Variants in NAALADL2 observed in about 807,000 individuals in gnomAD.
NAALADL2 encodes inactive N-acetylated-alpha-linked acidic dipeptidase-like protein 2.
In NAALADL2, 76 loss-of-function variants were observed where a neutral mutation model predicts 87.2. The ratio of observed to expected loss-of-function variants is 0.87; its 90% CI spans 0.72 to 1.05. The LOEUF (loss-of-function observed/expected upper bound fraction) is 1.05. Among genes scored for constraint, NAALADL2 ranks in the 50% least tolerant of loss-of-function variants. NAALADL2 has a pLI of 0.00. For missense variants in NAALADL2, 1,089 were observed against 945.8 expected, an observed-to-expected ratio of 1.15 and a Z score of -1.99; for synonymous variants, 354 against 331.0, an observed-to-expected ratio of 1.07 and a Z score of -0.75.
At chr3:174,476,129 TG>T (rs1278308152) in intron 1 of NAALADL2, among the ~76,000 whole-genome samples, 1 of 152,010 alleles carries the variant, frequency 6.6e-6, no homozygotes, top group East Asian at 1.9e-4. Flanking sequence ...ATCAAATATT[TG>T]TGAGAATAAC....
chr3:175,327,407 G>A (rs963712461), intron 5 of NAALADL2, among the ~76,000 whole-genome samples: 3 of 151,862 alleles, frequency 2.0e-5, no homozygotes, highest in Admixed American at 1.3e-4. Context: ...CGCCCACCTC[G>A]GCCTCCCAAA....
intron 3 of NAALADL2, among the ~76,000 whole-genome samples, chr3:174,787,604 T>TATATATATACACACAC (rs1553855447): frequency 5.7e-5 from 5 of 87,938 alleles, no homozygotes; most frequent in Admixed American, 2.4e-4. Context: ...TATATATATA[T>TATATATATACACACAC]ATATATATAT....
chr3:175,513,612 T>A (rs1326165569), intron 9 of NAALADL2, among the ~76,000 whole-genome samples: 1 of 152,184 alleles, frequency 6.6e-6, no homozygotes, highest in African/African-American at 2.4e-5. Flanking sequence ...GCTTTTACAT[T>A]TATGAAATAT....
At chr3:174,779,994 C>A (rs1024277833) in intron 3 of NAALADL2, among the ~76,000 whole-genome samples, 2 of 152,014 alleles carry the variant, frequency 1.3e-5, no homozygotes, top group African/African-American at 4.8e-5. Context: ...GTAGTTTTTT[C>A]TAATTCTGTG....
intron 4 of NAALADL2, among the ~76,000 whole-genome samples, chr3:175,276,593 A>G (rs1007321817): frequency 2.0e-5 from 3 of 152,080 alleles, no homozygotes; most frequent in African/African-American, 7.2e-5. Context: ...GTGAGCCACC[A>G]CACCCAGCCT....
At position 175,612,798 on chromosome 3, in the gene NAALADL2, C is replaced by T. The variant is rs142476740; in HGVS notation, c.1801-14493C>T. Among the ~76,000 whole-genome samples the T allele has an allele frequency of 1.5e-3, 232 of 152,264 alleles. 2 individuals are homozygous for T. The highest frequency in any genetic ancestry group is 5.2e-3 in the African/African-American group (216 of 41,554). On this transcript the variant is annotated intron_variant, in intron 10 of 13. Coordinates refer to ENST00000454872, the MANE Select transcript of NAALADL2 (RefSeq NM_207015.3). ...TATGATTGAGACAATTTCTCCTCCT[C>T]ACCACCCCAAATTTGAGAATATCAT... is the stretch of plus-strand genomic sequence containing the variant.
At chr3:174,983,521 A>G (rs1173048062) in intron 1 of NAALADL2, among the ~76,000 whole-genome samples, 4 of 152,132 alleles carry the variant, frequency 2.6e-5, no homozygotes, top group African/African-American at 9.7e-5. Flanking sequence ...GGAGGCTGAG[A>G]AGTTCAAGAT....
chr3:175,105,154 C>G (rs982376161), intron 2 of NAALADL2, among the ~76,000 whole-genome samples: 2 of 152,160 alleles, frequency 1.3e-5, no homozygotes, highest in Non-Finnish European at 2.9e-5. Context: ...TCATGGAAAT[C>G]TCATTGATAT....
chr3:175,128,920 T>A (rs1727368179), intron 2 of NAALADL2, among the ~76,000 whole-genome samples: 3 of 152,000 alleles, frequency 2.0e-5, no homozygotes, highest in Admixed American at 1.3e-4. Context: ...GTGTACTAGT[T>A]ACCAATTTTT....
At chr3:175,185,663 C>T (rs948077324) in intron 2 of NAALADL2, among the ~76,000 whole-genome samples, 2 of 151,248 alleles carry the variant, frequency 1.3e-5, no homozygotes, top group African/African-American at 2.4e-5. Flanking sequence ...AGATTATGAT[C>T]GTGGCACTGG....
intron 13 of NAALADL2, among the ~76,000 whole-genome samples, chr3:175,796,546 T>G (rs1753520166): frequency 6.6e-6 from 1 of 152,220 alleles, no homozygotes; most frequent in Non-Finnish European, 1.5e-5. Flanking sequence ...CTTTGTGCAT[T>G]CTCATGGACG....
intron 11 of NAALADL2, among the ~76,000 whole-genome samples, chr3:175,656,805 T>C (rs1402412557): frequency 6.6e-6 from 1 of 151,932 alleles, no homozygotes; most frequent in Non-Finnish European, 1.5e-5. Flanking sequence ...CTTAAATTAA[T>C]CAAAATTATT....
chr3:174,884,675 C>T (rs971408555), intron 1 of NAALADL2, among the ~76,000 whole-genome samples: 1 of 152,126 alleles, frequency 6.6e-6, no homozygotes, highest in Non-Finnish European at 1.5e-5. Flanking sequence ...GGCCTGAATC[C>T]ATCAATTCAG....
intron 9 of NAALADL2, among the ~76,000 whole-genome samples, chr3:175,527,551 C>T (rs1217129862): frequency 6.6e-6 from 1 of 152,040 alleles, no homozygotes; most frequent in African/African-American, 2.4e-5. Context: ...AGAAATAATA[C>T]TCAAATGAGT....
At chr3:175,332,406 A>G (rs1211238201) in intron 5 of NAALADL2, among the ~76,000 whole-genome samples, 4 of 152,170 alleles carry the variant, frequency 2.6e-5, no homozygotes, top group Non-Finnish European at 5.9e-5. Context: ...GGCACAAGTG[A>G]TCCTCCCACC....
rs74960716 is a variant in NAALADL2 at position 175,270,778 on chromosome 3, G to A, written c.939+14248G>A. Among the ~76,000 whole-genome samples, 307 of 152,204 alleles carry A rather than the reference G, an allele frequency of 2.0e-3. 2 individuals carry two copies. The highest frequency in any genetic ancestry group is 0.01 in the Middle Eastern group (3 of 294). ...GATGGATGCATATGGAATGTTTAAT[G>A]GAAAAAGTGAAAAGTGCCTGCTGGG... On this transcript the variant is annotated intron_variant, in intron 4 of 13. Coordinates refer to ENST00000454872, the MANE Select transcript of NAALADL2 (RefSeq NM_207015.3).
intron 1 of NAALADL2, among the ~76,000 whole-genome samples, chr3:174,931,764 A>T (rs1736922636): frequency 6.6e-6 from 1 of 152,142 alleles, no homozygotes; most frequent in Non-Finnish European, 1.5e-5. Context: ...AGATCGTTGC[A>T]AGCATTTGGT....
intron 3 of NAALADL2, among the ~76,000 whole-genome samples, chr3:174,828,333 T>A (rs934451364): frequency 6.6e-6 from 1 of 152,212 alleles, no homozygotes; most frequent in Non-Finnish European, 1.5e-5. Context: ...GTATCATTGG[T>A]CCTATGAAGG....
At chr3:174,795,366 T>G (rs1717965953) in intron 3 of NAALADL2, among the ~76,000 whole-genome samples, 1 of 152,126 alleles carries the variant, frequency 6.6e-6, no homozygotes, top group Non-Finnish European at 1.5e-5. Flanking sequence ...AGTATATGTG[T>G]GTAATTTCCT....
Sources: gnomAD v4.1 joint callset for allele counts (sites outside exome capture counted in the v4.1 genomes callset) on GRCh38, gnomAD v4.1.1 for gene constraint, MANE v1.5 for transcripts, NCBI Gene and HGNC (gene_info 2026-07-23, HGNC 2026-07-21) for gene names.